Variants in OPCML observed in about 807,000 individuals in gnomAD.
OPCML encodes opioid-binding protein/cell adhesion molecule.
In OPCML, 13 loss-of-function variants were observed where a neutral mutation model predicts 37.8. The ratio of observed to expected loss-of-function variants is 0.34; its 90% CI spans 0.22 to 0.55. The LOEUF (loss-of-function observed/expected upper bound fraction) is 0.55. OPCML is among the 20% of genes least tolerant of loss of function. The pLI, the probability that OPCML is intolerant of heterozygous loss-of-function variation, is 0.91. For missense variants in OPCML, 341 were observed against 435.6 expected, an observed-to-expected ratio of 0.78 and a Z score of 1.93; for synonymous variants, 176 against 168.8, an observed-to-expected ratio of 1.04 and a Z score of -0.33.
At chr11:132,931,640 A>G (rs1031818378) in intron 2 of OPCML, among the ~76,000 whole-genome samples, 1 of 152,212 alleles carries the variant, frequency 6.6e-6, no homozygotes, top group African/African-American at 2.4e-5. Context: ...CTATTAATGA[A>G]AATAATAGAA....
At chr11:133,512,039 C>T (rs1028769803) in intron 1 of OPCML, among the ~76,000 whole-genome samples, 2 of 152,178 alleles carry the variant, frequency 1.3e-5, no homozygotes, top group African/African-American at 2.4e-5. Context: ...GGGGGTTCCT[C>T]GCACACTAAG....
chr11:132,462,810 A>T (rs1470435147), intron 4 of OPCML, among the ~76,000 whole-genome samples: 1 of 152,174 alleles, frequency 6.6e-6, no homozygotes, highest in Non-Finnish European at 1.5e-5. Context: ...GTGCCTGGAT[A>T]ATTAGGTTTT....
At chr11:132,608,759 T>G (rs984915814) in intron 3 of OPCML, among the ~76,000 whole-genome samples, 1 of 152,214 alleles carries the variant, frequency 6.6e-6, no homozygotes, top group African/African-American at 2.4e-5. Context: ...TCCTAAGGGC[T>G]GCCTGGCATT....
chr11:132,774,896 C>A (rs1436173794), intron 2 of OPCML, among the ~76,000 whole-genome samples: 2 of 152,156 alleles, frequency 1.3e-5, no homozygotes, highest in East Asian at 1.9e-4. Context: ...TGTGTATATA[C>A]CATTTATCCC....
intron 2 of OPCML, among the ~76,000 whole-genome samples, chr11:132,874,990 A>G (rs1183321835): frequency 6.6e-6 from 1 of 152,234 alleles, no homozygotes; most frequent in Non-Finnish European, 1.5e-5. Flanking sequence ...TATTTAAAAC[A>G]TAGTCTCAGA....
chr11:133,279,150 G>C (rs1942071900), intron 1 of OPCML, among the ~76,000 whole-genome samples: 1 of 152,158 alleles, frequency 6.6e-6, no homozygotes, highest in Admixed American at 6.5e-5. Context: ...TCAGTCATTT[G>C]ACAGTAAATA....
Position 133,161,985 on chromosome 11 carries a change from CTTTTTTT to C in OPCML, c.62-218982_62-218976del, listed in dbSNP as rs553617547. Among the ~76,000 whole-genome samples, 81 of 85,484 alleles carry C rather than the reference CTTTTTTT, an allele frequency of 9.5e-4. 1 individual carries two copies. Among genetic ancestry groups the C allele is most frequent in the African/African-American group, 1.8e-3 (39 of 21,546 alleles). The allele number at this position is 85,484 out of a possible 152,430, so 56.1% of individuals were successfully genotyped here. ...AACAGGTAAGAGAGGCAGTCTCTGTCTTTTTTTTTTTTTTTTTTTTTTTTTGTATAAA... is the reference window on the plus strand; with the variant it reads ...AACAGGTAAGAGAGGCAGTCTCTGTCTTTTTTTTTTTTTTTTTTGTATAAA... On this transcript the variant is annotated intron_variant, in intron 1 of 7. Transcript: ENST00000524381.
At chr11:132,663,794 G>T (rs1462425000) in intron 2 of OPCML, among the ~76,000 whole-genome samples, 2 of 152,188 alleles carry the variant, frequency 1.3e-5, no homozygotes, top group East Asian at 3.9e-4. Flanking sequence ...CATCCACATT[G>T]CAACCTGGGA....
chr11:132,479,384 A>G (rs1477143054), intron 4 of OPCML, among the ~76,000 whole-genome samples: 1 of 152,218 alleles, frequency 6.6e-6, no homozygotes, highest in African/African-American at 2.4e-5. Context: ...ATGCCCACGG[A>G]ATCTCGCTGA....
chr11:133,081,775 G>C (rs1476796139), intron 1 of OPCML, among the ~76,000 whole-genome samples: 1 of 152,148 alleles, frequency 6.6e-6, no homozygotes, highest in African/African-American at 2.4e-5. Context: ...GAGAAACTGA[G>C]GCCACAGTAA....
At position 133,135,273 on chromosome 11, in the gene OPCML, C is replaced by T. The variant is rs762688367; in HGVS notation, c.62-192263G>A. ...CTGCCTGTTACTGAGGAATTTAAGA[C>T]GGCACACTAGCCTTATGATTAGCAT... is the stretch of plus-strand genomic sequence containing the variant. On this transcript the variant is annotated intron_variant, in intron 1 of 7. Transcript: ENST00000524381. Among the ~76,000 whole-genome samples the T allele has an allele frequency of 1.3e-4, 20 of 152,172 alleles. No homozygotes were observed. In the South Asian group the frequency reaches 3.7e-3, roughly 28 times the overall value.
chr11:133,527,161 G>A (rs965852411), intron 1 of OPCML, among the ~76,000 whole-genome samples: 1 of 152,256 alleles, frequency 6.6e-6, no homozygotes, highest in Non-Finnish European at 1.5e-5. Flanking sequence ...ATAGGCCAAA[G>A]GCTATTAGAT....
In OPCML at chr11:132,824,645, C is replaced by T. The variant is rs144683958; in HGVS notation, c.146+118281G>A. Among the ~76,000 whole-genome samples, 223 of 152,348 alleles carry T rather than the reference C, an allele frequency of 1.5e-3. 1 individual carries two copies. Among genetic ancestry groups the T allele is most frequent in the African/African-American group, 5.0e-3 (207 of 41,588 alleles). The stretch of plus-strand genomic sequence containing the variant: ...GCTCTGCAAGGTCACCAACTGCCCC[C>T]CTATTGTTTAACCTGTGTGTTCACA... On this transcript the variant is annotated intron_variant, in intron 2 of 7. Coordinates refer to ENST00000524381, the MANE Select transcript of OPCML (RefSeq NM_001012393.5).
At chr11:133,254,775 T>A (rs957412165) in intron 1 of OPCML, among the ~76,000 whole-genome samples, 5 of 152,060 alleles carry the variant, frequency 3.3e-5, no homozygotes, top group African/African-American at 9.6e-5. Flanking sequence ...TGCAGGGGAG[T>A]GCACTGGAGA....
At chr11:133,025,491 G>A (rs981443721) in intron 1 of OPCML, 11 of 985,138 alleles carry the variant, frequency 1.1e-5, no homozygotes, top group African/African-American at 3.5e-5. Context: ...AATCTAGTCA[G>A]TCGGCTCTCT....
At chr11:133,021,132 G>T (rs1947442637) in intron 1 of OPCML, among the ~76,000 whole-genome samples, 1 of 152,120 alleles carries the variant, frequency 6.6e-6, no homozygotes, top group Non-Finnish European at 1.5e-5. Context: ...ACCAGACACT[G>T]AATTAGGCAT....
intron 1 of OPCML, among the ~76,000 whole-genome samples, chr11:133,351,125 C>T (rs1002791828): frequency 3.3e-5 from 5 of 152,180 alleles, no homozygotes; most frequent in African/African-American, 1.2e-4. Context: ...AATTGGCTTT[C>T]CCGCGATTTG....
chr11:132,808,718 A>C (rs1468064262), intron 2 of OPCML, among the ~76,000 whole-genome samples: 1 of 152,090 alleles, frequency 6.6e-6, no homozygotes, highest in East Asian at 1.9e-4. Flanking sequence ...GCAATTTGGG[A>C]TTGTACTGAA....
chr11:133,439,423 T>C (rs929540944), intron 1 of OPCML: 3 of 985,156 alleles, frequency 3.0e-6, no homozygotes, highest in African/African-American at 3.5e-5. Context: ...GAAATGCTTA[T>C]GAGGCCAACC....
Sources: gnomAD v4.1 joint callset for allele counts (sites outside exome capture counted in the v4.1 genomes callset) on GRCh38, gnomAD v4.1.1 for gene constraint, MANE v1.5 for transcripts, NCBI Gene and HGNC (gene_info 2026-07-23, HGNC 2026-07-21) for gene names.